The following TMTC4 variants were observed in gnomAD, a reference collection of about 807,000 sequenced individuals.
The protein encoded by TMTC4 is protein O-mannosyl-transferase TMTC4.
In TMTC4, 65 loss-of-function variants were observed where a neutral mutation model predicts 86.0. The observed-to-expected ratio is 0.76, with a 90% CI of 0.62 to 0.93. The LOEUF is 0.93. Among genes scored for constraint, TMTC4 ranks in the 40% least tolerant of loss-of-function variants. TMTC4 has a pLI of 0.00. For missense variants in TMTC4, 866 were observed against 948.1 expected (o/e 0.91, Z 1.14); for synonymous variants, 379 against 382.5 (o/e 0.99, Z 0.11).
intron 7 of TMTC4, 49 bp downstream of exon 7, chr13:100,642,162 G>T: frequency 6.3e-7 from 1 of 1,595,508 alleles, no homozygotes; most frequent in Non-Finnish European, 8.6e-7. Flanking sequence ...TTATAGGAGG[G>T]AAAAGGACAC....
chr13:100,656,159 T>G (rs1885082258), intron 6 of TMTC4, among the ~76,000 whole-genome samples: 2 of 152,222 alleles, frequency 1.3e-5, no homozygotes, highest in Admixed American at 6.5e-5. Flanking sequence ...CCTAATAGGA[T>G]AGGCCACAGT....
intron 1 of TMTC4, chr13:100,673,950 G>C: frequency 1.2e-6 from 1 of 849,474 alleles, no homozygotes; most frequent in Non-Finnish European, 1.4e-6. Flanking sequence ...GGGAAAGAGC[G>C]AAGTGTGGGA....
intron 5 of TMTC4, among the ~76,000 whole-genome samples, chr13:100,659,141 C>T (rs946030280): frequency 1.3e-5 from 2 of 152,154 alleles, no homozygotes; most frequent in South Asian, 2.1e-4. Flanking sequence ...ATTGTTTCCC[C>T]AGTAGGTACA....
At chr13:100,642,177 A>T (rs1444860395) in intron 7 of TMTC4, 34 bp downstream of exon 7, 1 of 1,608,698 alleles carries the variant, frequency 6.2e-7, no homozygotes, top group Non-Finnish European at 8.5e-7. Flanking sequence ...GGACACACAG[A>T]AAAAGCAGGC....
upstream of TMTC4, chr13:100,674,906 C>G (rs1025824127): frequency 4.4e-5 from 43 of 984,898 alleles, no homozygotes; most frequent in African/African-American, 2.6e-4. Context: ...GGGCGCCCCC[C>G]AGCACCAGTC....
At chr13:100,674,894 G>A (rs555988308), upstream of TMTC4, 10 of 981,516 alleles carry the variant, frequency 1.0e-5, no homozygotes, top group South Asian at 3.8e-4. Context: ...CCCCACGCGC[G>A]CGGGCGCCCC....
chr13:100,663,627 C>T (rs751948901), intron 4 of TMTC4, among the ~76,000 whole-genome samples: 11 of 152,172 alleles, frequency 7.2e-5, no homozygotes, highest in Non-Finnish European at 1.0e-4. Context: ...CAGCCTTCCC[C>T]CAACGAAACA....
At chr13:100,664,746 A>C (rs974645458) in intron 3 of TMTC4, among the ~76,000 whole-genome samples, 1 of 152,060 alleles carries the variant, frequency 6.6e-6, no homozygotes. Context: ...TCCTGAGCTG[A>C]TCCCATCCCT....
At chr13:100,655,446 C>A (rs1381601636) in intron 6 of TMTC4, among the ~76,000 whole-genome samples, 1 of 152,140 alleles carries the variant, frequency 6.6e-6, no homozygotes, top group African/African-American at 2.4e-5. Context: ...CTGTAGTGAA[C>A]GTTAACAGTG....
At chr13:100,623,808 T>C (rs1431110183) in intron 15 of TMTC4, 9 of 407,626 alleles carry the variant, frequency 2.2e-5, no homozygotes, top group Admixed American at 5.2e-5. Flanking sequence ...AGCTGGGGCA[T>C]TGCTGGGTCT....
At chr13:100,641,426 T>C (rs1287548660) in intron 7 of TMTC4, among the ~76,000 whole-genome samples, 3 of 152,050 alleles carry the variant, frequency 2.0e-5, no homozygotes, top group Non-Finnish European at 4.4e-5. Flanking sequence ...ACAGAATGTG[T>C]GTGCACGTGA....
At chr13:100,656,538 A>AT (rs1885132939) in intron 5 of TMTC4, 70 bp from the exon 6 acceptor site, 2 of 692,904 alleles carry the variant, frequency 2.9e-6, no homozygotes, top group Non-Finnish European at 4.3e-6. Context: ...CTTAGGAGAC[A>AT]TAACTTTTTT....
At chr13:100,613,835 A>ACCC (rs1566561935) in intron 16 of TMTC4, among the ~76,000 whole-genome samples, 1 of 9,970 alleles carries the variant, frequency 1.0e-4, no homozygotes, top group Non-Finnish European at 1.9e-4. Context: ...TCTCCCCCCT[A>ACCC]CCCGCCCCCC....
chr13:100,668,519 G>A, intron 3 of TMTC4, 60 bp downstream of exon 3: 1 of 1,515,518 alleles, frequency 6.6e-7, no homozygotes. Context: ...CACATACTTA[G>A]ATGATTACTG....
At chr13:100,638,539 G>A (rs1052204467) in intron 7 of TMTC4, 3 of 152,460 alleles carry the variant, frequency 2.0e-5, no homozygotes, top group African/African-American at 7.2e-5. Flanking sequence ...GAGCTCTGGA[G>A]ATCTCTTGTG....
chr13:100,603,766 C>T lies in TMTC4; in HGVS notation c.*1228G>A, dbSNP rs375941206. 1.3e-5 allele frequency among the ~76,000 whole-genome samples: 2 copies of T among 151,974 alleles called. No homozygotes were observed. The highest frequency in any genetic ancestry group is 2.9e-5 in the Non-Finnish European group (2 of 67,976). ...TCAGTGTGGATCTACTCGCTCTGTTCTCTGAACTTGGAAAACACTGTAGTG... is the reference window on the plus strand; with the variant it reads ...TCAGTGTGGATCTACTCGCTCTGTTTTCTGAACTTGGAAAACACTGTAGTG... On this transcript the variant is annotated 3_prime_UTR_variant, in exon 19 of 19. Transcript: ENST00000342624.
At chr13:100,673,140 ATCGAGCC>A (rs1394015422) in intron 1 of TMTC4, 2 of 163,890 alleles carry the variant, frequency 1.2e-5, no homozygotes, top group Non-Finnish European at 2.5e-5. Flanking sequence ...AACTTCTCAT[ATCGAGCC>A]TCTGTTTTCA....
chr13:100,623,806 C>A (rs758024263), intron 15 of TMTC4: 2 of 399,576 alleles, frequency 5.0e-6, no homozygotes, highest in Non-Finnish European at 1.0e-5. Flanking sequence ...ACAGCTGGGG[C>A]ATTGCTGGGT....
In TMTC4 at chr13:100,626,245, C is replaced by T. The variant is rs185809909; in HGVS notation, c.1507-95G>A. Reference sequence around the variant, plus strand: ...TTCTAACTGAAGACAAAAGGTAAAGCGACGAGGAAAAAAAATCACCCACCA... The same window carrying T: ...TTCTAACTGAAGACAAAAGGTAAAGTGACGAGGAAAAAAAATCACCCACCA... On this transcript the variant is annotated intron_variant, in intron 12 of 18. Transcript: ENST00000342624. The T allele has an allele frequency of 5.2e-5, 69 of 1,328,566 alleles. No homozygotes were observed. The African/African-American group carries it at 7.4e-4, about 14-fold the overall frequency. The allele number at this position is 1,328,566 out of a possible 1,614,324, so 82.3% of individuals were successfully genotyped here.
Sources: allele counts gnomAD v4.1 joint callset (sites outside exome capture counted in the v4.1 genomes callset), GRCh38; gene constraint gnomAD v4.1.1; transcripts MANE v1.5; gene names NCBI Gene and HGNC (gene_info 2026-07-23, HGNC 2026-07-21).